Variants in FHOD3 observed in about 807,000 individuals in gnomAD.
FHOD3 encodes the protein formin homology 2 domain containing 3, also known as FH1/FH2 domain-containing protein 3.
A neutral mutation model predicts 173.0 loss-of-function variants in FHOD3; 90 were observed. The ratio of observed to expected loss-of-function variants is 0.52; its 90% CI spans 0.44 to 0.62. FHOD3 has a LOEUF of 0.62. Among genes scored for constraint, FHOD3 ranks in the 20% least tolerant of loss-of-function variants. FHOD3 has a pLI of 0.00. For synonymous variants in FHOD3, 828 were observed against 823.0 expected (o/e 1.01, Z -0.10); for missense variants, 1,945 against 2,034.7 (o/e 0.96, Z 0.85).
chr18:36,603,116 C>T (rs2031615037), intron 8 of FHOD3, among the ~76,000 whole-genome samples: 1 of 152,184 alleles, frequency 6.6e-6, no homozygotes, highest in African/African-American at 2.4e-5. Context: ...GCCCTGCTGA[C>T]ACCTTAATAT....
intron 11 of FHOD3, 31 bp downstream of exon 11, chr18:36,649,436 A>G (rs747195389): frequency 7.3e-6 from 11 of 1,501,036 alleles, no homozygotes; most frequent in South Asian, 1.2e-5. Flanking sequence ...CCAAGCTCAC[A>G]CTAAAAGTGG....
chr18:36,475,381 T>C (rs1259084297), intron 3 of FHOD3, among the ~76,000 whole-genome samples: 2 of 151,906 alleles, frequency 1.3e-5, no homozygotes, highest in Admixed American at 1.3e-4. Flanking sequence ...CCTTTGGAGA[T>C]CTCCACCAGG....
At chr18:36,641,310 A>C (rs1211813770) in intron 10 of FHOD3, among the ~76,000 whole-genome samples, 1 of 152,228 alleles carries the variant, frequency 6.6e-6, no homozygotes, top group Non-Finnish European at 1.5e-5. Context: ...GTGTAAGGCT[A>C]GGGTGAGGAG....
chr18:36,745,172 G>A (rs375217452), intron 23 of FHOD3, among the ~76,000 whole-genome samples: 1 of 152,124 alleles, frequency 6.6e-6, no homozygotes, highest in Non-Finnish European at 1.5e-5. Flanking sequence ...CCTGGTGGCC[G>A]AGAGCCTCCT....
intron 2 of FHOD3, among the ~76,000 whole-genome samples, chr18:36,366,365 G>A (rs190131646): frequency 3.3e-5 from 5 of 152,152 alleles, no homozygotes; most frequent in Admixed American, 2.6e-4. Flanking sequence ...GGGAGAGAAA[G>A]TGGCTGAAAG....
intron 3 of FHOD3, among the ~76,000 whole-genome samples, chr18:36,398,843 A>G (rs533021541): frequency 2.0e-5 from 3 of 152,202 alleles, no homozygotes; most frequent in African/African-American, 7.2e-5. Flanking sequence ...GTTTTTGGGT[A>G]CATTTCAGTG....
At chr18:36,634,129 G>A (rs1333766474) in intron 10 of FHOD3, among the ~76,000 whole-genome samples, 1 of 152,172 alleles carries the variant, frequency 6.6e-6, no homozygotes, top group African/African-American at 2.4e-5. Context: ...CATAACTGAT[G>A]CATACCAATT....
At chr18:36,429,353 A>G (rs1269139176) in intron 3 of FHOD3, among the ~76,000 whole-genome samples, 1 of 152,184 alleles carries the variant, frequency 6.6e-6, no homozygotes, top group Non-Finnish European at 1.5e-5. Flanking sequence ...AACTAAGTAG[A>G]CTTGTAATTA....
rs1388157550 is a variant in FHOD3 at position 36,717,974 on chromosome 18, T to C, written c.2676T>C (p.Ala892=). Reference sequence around the variant, plus strand: ...ATGAGGAGAAGGGGGATGGGGAGGCTGGGAGGACCCAGCAGGAGGCAGAGG... The same window carrying C: ...ATGAGGAGAAGGGGGATGGGGAGGCCGGGAGGACCCAGCAGGAGGCAGAGG... ...PDDEEKGDGE[A]GRTQQEAEAV... The change falls in exon 19 of 29, where the codon GCT becomes GCC. Residue 892 remains alanine (A), a synonymous_variant. Coordinates refer to ENST00000590592, the MANE Select transcript of FHOD3 (RefSeq NM_001281740.3). 8 of 1,613,758 alleles carry C rather than the reference T, an allele frequency of 5.0e-6. No individual in the cohort carries two copies. In the African/African-American group the frequency reaches 1.1e-4, roughly 22 times the overall value.
chr18:36,703,412 A>G (rs2039694470), intron 17 of FHOD3, among the ~76,000 whole-genome samples: 1 of 152,198 alleles, frequency 6.6e-6, no homozygotes, highest in Non-Finnish European at 1.5e-5. Flanking sequence ...ACAGTCAGAG[A>G]GTAGCCAGCC....
intron 3 of FHOD3, among the ~76,000 whole-genome samples, chr18:36,462,288 CGTGTGT>C (rs148480762): frequency 9.4e-5 from 14 of 149,640 alleles, no homozygotes; most frequent in Non-Finnish European, 1.8e-4. Flanking sequence ...TCAGTTCTCT[CGTGTGT>C]GTGTGTGTGT....
chr18:36,718,497 T>A lies in FHOD3; in HGVS notation c.3199T>A (p.Leu1067Ile), dbSNP rs373928167. 1.2e-6 allele frequency: 2 copies of A among 1,613,710 alleles called. No individual in the cohort carries two copies. Among genetic ancestry groups the A allele is most frequent in the African/African-American group, 2.7e-5 (2 of 74,780 alleles). ...PPPVFNAPQGLGWSQVPRGQP... is the reference protein window; with the variant it reads ...PPPVFNAPQGIGWSQVPRGQP... ...TCCAGTGTTCAACGCTCCTCAGGGC[T>A]TAGGGTGGTCCCAGGTACCCAGGGG... is the stretch of plus-strand genomic sequence containing the variant. The change falls in exon 19 of 29, where the codon TTA (leucine) becomes ATA (isoleucine). Residue 1067 changes from leucine (L) to isoleucine (I), a missense_variant. Leu to Ile is a conservative substitution (Grantham distance 5). Coordinates refer to ENST00000590592, the MANE Select transcript of FHOD3 (RefSeq NM_001281740.3).
At chr18:36,600,446 C>T (rs986375512) in intron 7 of FHOD3, among the ~76,000 whole-genome samples, 1 of 152,138 alleles carries the variant, frequency 6.6e-6, no homozygotes, top group Admixed American at 6.5e-5. Context: ...TTTTGTTGAA[C>T]CAAATGTTTC....
chr18:36,517,285 T>A (rs1394437619), intron 5 of FHOD3, among the ~76,000 whole-genome samples: 1 of 152,186 alleles, frequency 6.6e-6, no homozygotes, highest in Non-Finnish European at 1.5e-5. Context: ...TAGAGTGGTA[T>A]ATTGCTGGGA....
intron 3 of FHOD3, among the ~76,000 whole-genome samples, chr18:36,377,872 T>A (rs1201008233): frequency 6.6e-6 from 1 of 152,196 alleles, no homozygotes; most frequent in Non-Finnish European, 1.5e-5. Context: ...GCCCTGGACC[T>A]GGGCTTCTGG....
intron 1 of FHOD3, among the ~76,000 whole-genome samples, chr18:36,304,448 A>C (rs1424410943): frequency 6.6e-6 from 1 of 152,224 alleles, no homozygotes; most frequent in Non-Finnish European, 1.5e-5. Flanking sequence ...GAGCTAAAAA[A>C]ATTAGGTTAC....
chr18:36,307,385 A>T (rs1478803620), intron 1 of FHOD3, among the ~76,000 whole-genome samples: 2 of 152,144 alleles, frequency 1.3e-5, no homozygotes, highest in East Asian at 3.9e-4. Context: ...AAGAGGATGG[A>T]AATAGGGTGG....
At chr18:36,417,597 G>T (rs1156763930) in intron 3 of FHOD3, among the ~76,000 whole-genome samples, 1 of 152,182 alleles carries the variant, frequency 6.6e-6, no homozygotes, top group African/African-American at 2.4e-5. Context: ...GGGATTGCTG[G>T]GTTGAATGGT....
At chr18:36,600,286 CACATATGCACACAT>C (rs2031176701) in intron 7 of FHOD3, among the ~76,000 whole-genome samples, 1 of 151,400 alleles carries the variant, frequency 6.6e-6, no homozygotes, top group African/African-American at 2.4e-5. Context: ...CACACACACA[CACATATGCACACAT>C]ACACACACAC....
Sources: gnomAD v4.1 joint callset for allele counts (sites outside exome capture counted in the v4.1 genomes callset) on GRCh38, gnomAD v4.1.1 for gene constraint, MANE v1.5 for transcripts, NCBI Gene and HGNC (gene_info 2026-07-23, HGNC 2026-07-21) for gene names.